The following NNT variants were observed in gnomAD, a reference collection of about 807,000 sequenced individuals.
NNT encodes nicotinamide nucleotide transhydrogenase, also known as NAD(P) transhydrogenase, mitochondrial.
In NNT, 50 loss-of-function variants were observed where a neutral mutation model predicts 104.8. The ratio of observed to expected loss-of-function variants is 0.48; its 90% CI spans 0.38 to 0.60. The LOEUF is 0.60. Among genes scored for constraint, NNT ranks in the 20% least tolerant of loss-of-function variants. NNT has a pLI of 0.00. For missense variants in NNT, 1,131 were observed against 1,330.7 expected, an observed-to-expected ratio of 0.85 and a Z score of 2.33; for synonymous variants, 461 against 490.4, an observed-to-expected ratio of 0.94 and a Z score of 0.79.
chr5:43,662,387 T>C (rs999195544), intron 17 of NNT, among the ~76,000 whole-genome samples: 1 of 152,188 alleles, frequency 6.6e-6, no homozygotes, highest in African/African-American at 2.4e-5. Context: ...ACTCTTTTAT[T>C]TTTTTGATAT....
chr5:43,684,587 C>T (rs1741887451), intron 19 of NNT, among the ~76,000 whole-genome samples: 1 of 151,908 alleles, frequency 6.6e-6, no homozygotes, highest in Admixed American at 6.6e-5. Context: ...CCATGTTTCC[C>T]TTCGGATGGA....
intron 19 of NNT, among the ~76,000 whole-genome samples, chr5:43,695,101 A>G (rs1263006948): frequency 6.6e-6 from 1 of 152,200 alleles, no homozygotes; most frequent in Non-Finnish European, 1.5e-5. Context: ...TATTTGATAA[A>G]AAAGAATATC....
At chr5:43,653,352 A>G in intron 14 of NNT, 139 bp downstream of exon 14, 2 of 768,936 alleles carry the variant, frequency 2.6e-6, no homozygotes, top group Non-Finnish European at 4.0e-6. Flanking sequence ...AATTCATTCC[A>G]GTTGGTGTAA....
chr5:43,696,918 T>C (rs1385493863), intron 19 of NNT, among the ~76,000 whole-genome samples: 1 of 152,168 alleles, frequency 6.6e-6, no homozygotes, highest in African/African-American at 2.4e-5. Flanking sequence ...CATTTTTTCC[T>C]CCTAAACTTC....
At chr5:43,674,209 G>T (rs534063773) in intron 17 of NNT, among the ~76,000 whole-genome samples, 1 of 152,190 alleles carries the variant, frequency 6.6e-6, no homozygotes, top group Admixed American at 6.5e-5. Context: ...TACAATTCTG[G>T]CAACATTTTG....
At position 43,628,183 on chromosome 5, in the gene NNT, T is replaced by G; in HGVS notation, c.777-17T>G. The stretch of plus-strand genomic sequence containing the variant: ...GGCCTGAAATAACTACTCTTTCCAC[T>G]TTAACAATCACCCTAGAGCTGCAGC... On this transcript the variant is annotated splice_polypyrimidine_tract_variant and intron_variant, in intron 6 of 21. Transcript: ENST00000344920. 6.6e-7 allele frequency: 1 copy of G among 1,522,778 alleles called. No individual in the cohort carries two copies. Among genetic ancestry groups the G allele is most frequent in the Middle Eastern group, 1.8e-4 (1 of 5,666 alleles). The allele number at this position is 1,522,778 out of a possible 1,614,324, so 94.3% of individuals were successfully genotyped here.
intron 5 of NNT, among the ~76,000 whole-genome samples, 171 bp downstream of exon 5, chr5:43,619,290 G>GAA (rs919880921): frequency 2.0e-5 from 3 of 151,920 alleles, no homozygotes; most frequent in African/African-American, 7.3e-5. Flanking sequence ...AAGATTGCTA[G>GAA]AAAAAAATGA....
intron 17 of NNT, among the ~76,000 whole-genome samples, chr5:43,665,320 A>C (rs188504182): frequency 6.6e-6 from 1 of 151,590 alleles, no homozygotes; most frequent in East Asian, 1.9e-4. Flanking sequence ...TAGTGGAGGG[A>C]AGGTCAGCAG....
At chr5:43,698,755 T>C (rs529522760) in intron 19 of NNT, among the ~76,000 whole-genome samples, 1 of 152,124 alleles carries the variant, frequency 6.6e-6, no homozygotes, top group African/African-American at 2.4e-5. Context: ...TAAGAACTTA[T>C]GGATGATAAG....
In NNT at chr5:43,645,373, T is replaced by C; in HGVS notation, c.1307T>C (p.Phe436Ser). ...GTCTATTAGGATGGTAAAGTGATTT[T>C]CCCAGCTCCCACACCGAAAAATATT... The part of the protein sequence containing the change: ...TVVMKDGKVI[F>S]PAPTPKNIPQ... The change falls in exon 10 of 22, where the codon TTC becomes TCC. Residue 436 changes from phenylalanine to serine, a missense_variant. Phe to Ser is a radical substitution (Grantham distance 155). Transcript: ENST00000344920. 1 of 1,551,152 alleles carries C rather than the reference T, an allele frequency of 6.4e-7. No homozygotes were observed. The highest frequency in any genetic ancestry group is 8.7e-7 in the Non-Finnish European group (1 of 1,147,312).
chr5:43,629,212 A>G (rs1468683264), intron 7 of NNT, among the ~76,000 whole-genome samples: 1 of 151,594 alleles, frequency 6.6e-6, no homozygotes, highest in Non-Finnish European at 1.5e-5. Context: ...CTTAGCTTCC[A>G]CTTTTAACAA....
intron 5 of NNT, among the ~76,000 whole-genome samples, chr5:43,623,395 T>G (rs1434602313): frequency 6.6e-6 from 1 of 152,126 alleles, no homozygotes; most frequent in Non-Finnish European, 1.5e-5. Context: ...GGGGGAGACT[T>G]GTTTCTGAGG....
At chr5:43,704,164 T>A in intron 21 of NNT, 91 bp from the exon 22 acceptor site, 6 of 1,166,812 alleles carry the variant, frequency 5.1e-6, no homozygotes, top group Non-Finnish European at 7.1e-6. Context: ...ACATGCCTTG[T>A]TCAAAGGTAG....
chr5:43,642,768 A>G (rs540305193), intron 7 of NNT, among the ~76,000 whole-genome samples: 2 of 152,358 alleles, frequency 1.3e-5, no homozygotes, highest in East Asian at 1.9e-4. Context: ...GAAGTACTAC[A>G]TAAACACTTC....
intron 7 of NNT, among the ~76,000 whole-genome samples, chr5:43,631,263 C>G (rs1294834226): frequency 6.6e-6 from 1 of 152,110 alleles, no homozygotes; most frequent in East Asian, 1.9e-4. Context: ...GCATGCAGAT[C>G]AGACAAACCC....
intron 19 of NNT, among the ~76,000 whole-genome samples, chr5:43,691,881 T>C (rs1357086912): frequency 6.6e-6 from 1 of 152,220 alleles, no homozygotes. Context: ...GTTCATAAAA[T>C]AGAACATTGA....
intron 17 of NNT, among the ~76,000 whole-genome samples, chr5:43,673,649 C>T (rs1043514822): frequency 1.3e-5 from 2 of 152,074 alleles, no homozygotes; most frequent in South Asian, 2.1e-4. Context: ...TTCCATTAAA[C>T]GTTGGTTTTA....
chr5:43,606,068 TA>T (rs1351632590), intron 1 of NNT, among the ~76,000 whole-genome samples: 2 of 152,232 alleles, frequency 1.3e-5, no homozygotes, highest in Non-Finnish European at 2.9e-5. Flanking sequence ...GCTTTTTTTA[TA>T]GTTGAGCTAA....
At chr5:43,638,516 T>C (rs1751053969) in intron 7 of NNT, among the ~76,000 whole-genome samples, 1 of 152,184 alleles carries the variant, frequency 6.6e-6, no homozygotes, top group Non-Finnish European at 1.5e-5. Flanking sequence ...ATATAGAGAC[T>C]ACATTACATT....
Sources: gnomAD v4.1 joint callset for allele counts (sites outside exome capture counted in the v4.1 genomes callset) on GRCh38, gnomAD v4.1.1 for gene constraint, MANE v1.5 for transcripts, NCBI Gene and HGNC (gene_info 2026-07-23, HGNC 2026-07-21) for gene names.